The following SCRG1 variants were observed in gnomAD, a reference collection of about 807,000 sequenced individuals.
SCRG1 encodes the protein stimulator of chondrogenesis 1.
Under a neutral mutation model 7.7 loss-of-function variants are expected in SCRG1, and 3 were observed. The ratio of observed to expected loss-of-function variants is 0.39; its 90% CI spans 0.18 to 1.01. The LOEUF is 1.01. Among genes scored for constraint, SCRG1 ranks in the 50% least tolerant of loss-of-function variants. The pLI is 0.36. For missense variants in SCRG1, 110 were observed against 117.2 expected (o/e 0.94, Z 0.28); for synonymous variants, 46 against 41.2 (o/e 1.12, Z -0.44).
the SCRG1 span, among the ~76,000 whole-genome samples, chr4:173,507,114 T>C: frequency 1.2e-4 from 18 of 152,286 alleles, no homozygotes; most frequent in East Asian, 2.1e-3. The surrounding 1 kb of genome is among the most constrained non-coding windows in gnomAD (Gnocchi z 4.4). Flanking sequence ...TCTGGTGCCA[T>C]GAAGGGAAGG....
At chr4:173,483,184 T>G in the SCRG1 span, among the ~76,000 whole-genome samples, 85 of 27,762 alleles carry the variant, frequency 3.1e-3, no homozygotes, top group Non-Finnish European at 4.7e-3. Flanking sequence ...TATAATATAT[T>G]ATATATGATA....
At chr4:173,456,817 G>T in the SCRG1 span, among the ~76,000 whole-genome samples, 1 of 152,318 alleles carries the variant, frequency 6.6e-6, no homozygotes, top group African/African-American at 2.4e-5. Context: ...AGGATTGAAA[G>T]GTTTTTGCTT....
At chr4:173,389,839 T>C (rs996477761) in intron 2 of SCRG1, 1 of 430,536 alleles carries the variant, frequency 2.3e-6, no homozygotes, top group Admixed American at 2.4e-5. Flanking sequence ...AAGATGGTTA[T>C]ATCTACCTTT....
the SCRG1 span, among the ~76,000 whole-genome samples, chr4:173,515,768 G>A: frequency 6.6e-6 from 1 of 152,108 alleles, no homozygotes; most frequent in Admixed American, 6.6e-5. This position sits in a 1 kb window ranked among gnomAD's most constrained non-coding sequence, Gnocchi z 4.6. Context: ...CAGGTTTCCC[G>A]TGGGTTCCAC....
At chr4:173,464,547 C>T in the SCRG1 span, among the ~76,000 whole-genome samples, 11 of 152,144 alleles carry the variant, frequency 7.2e-5, no homozygotes, top group East Asian at 9.6e-4. Flanking sequence ...GTGTGCACCT[C>T]TTAGGATGGT....
At chr4:173,391,144 C>A in intron 2 of SCRG1, 29 bp downstream of exon 2, 2 of 1,611,554 alleles carry the variant, frequency 1.2e-6, no homozygotes, top group South Asian at 2.2e-5. Context: ...CATTTCCAGG[C>A]AATACACTTT....
At chr4:173,443,843 T>C in the SCRG1 span, among the ~76,000 whole-genome samples, 3 of 152,184 alleles carry the variant, frequency 2.0e-5, no homozygotes, top group Non-Finnish European at 4.4e-5. Context: ...TTCTGCATTT[T>C]TATGGCACTT....
chr4:173,413,203 C>A, the SCRG1 span, among the ~76,000 whole-genome samples: 2 of 152,082 alleles, frequency 1.3e-5, no homozygotes, highest in African/African-American at 4.8e-5. Flanking sequence ...CTACAGCTGG[C>A]AAAATGCCTG....
chr4:173,413,185 C>G, the SCRG1 span, among the ~76,000 whole-genome samples: 1 of 152,032 alleles, frequency 6.6e-6, no homozygotes, highest in Non-Finnish European at 1.5e-5. Context: ...TGCTCCATTT[C>G]CTGGAGCCTA....
the SCRG1 span, among the ~76,000 whole-genome samples, chr4:173,432,274 TCTTTCTTC>T: frequency 1.4e-5 from 2 of 141,486 alleles, no homozygotes; most frequent in Non-Finnish European, 3.1e-5. Flanking sequence ...TTATTCCCTT[TCTTTCTTC>T]CTTCCTTCCT....
chr4:173,461,371 A>G, the SCRG1 span, among the ~76,000 whole-genome samples: 1 of 152,048 alleles, frequency 6.6e-6, no homozygotes, highest in Non-Finnish European at 1.5e-5. Context: ...GAACAGAGAG[A>G]CTCTGTATGT....
chr4:173,492,816 A>G, the SCRG1 span, among the ~76,000 whole-genome samples: 1 of 152,224 alleles, frequency 6.6e-6, no homozygotes, highest in African/African-American at 2.4e-5. Flanking sequence ...GCACTTCATG[A>G]TCAGAACCTA....
upstream of SCRG1, among the ~76,000 whole-genome samples, chr4:173,401,170 G>A (rs756360696): frequency 6.6e-5 from 10 of 152,112 alleles, no homozygotes; most frequent in Non-Finnish European, 1.5e-4. Context: ...TCTCCATTTC[G>A]CTGAAACTGG....
the SCRG1 span, among the ~76,000 whole-genome samples, chr4:173,453,849 G>T: frequency 6.6e-6 from 1 of 152,158 alleles, no homozygotes; most frequent in South Asian, 2.1e-4. Flanking sequence ...AGCTGAGGCG[G>T]GTGGATCACT....
chr4:173,510,069 G>A, the SCRG1 span, among the ~76,000 whole-genome samples: 2 of 152,178 alleles, frequency 1.3e-5, no homozygotes, highest in Non-Finnish European at 2.9e-5. This position sits in a 1 kb window ranked among gnomAD's most constrained non-coding sequence, Gnocchi z 5.7. Context: ...TAATTAGCTG[G>A]TAATGCTTCT....
chr4:173,483,974 A>C, the SCRG1 span, among the ~76,000 whole-genome samples: 2 of 29,098 alleles, frequency 6.9e-5, no homozygotes, highest in Non-Finnish European at 1.7e-4. Flanking sequence ...ATTTTATATA[A>C]TATATAGTAT....
chr4:173,405,704 T>G (rs58172484), intron 1 of SCRG1, among the ~76,000 whole-genome samples: 6,202 of 152,310 alleles, frequency 0.041, 218 homozygotes, highest in African/African-American at 0.088. Flanking sequence ...CTTTTGCCTT[T>G]AGGGGCTCCT....
At chr4:173,409,044 T>A (rs1292491066), upstream of SCRG1, among the ~76,000 whole-genome samples, 1 of 144,472 alleles carries the variant, frequency 6.9e-6, no homozygotes, top group Non-Finnish European at 1.5e-5. Flanking sequence ...AATTAATGAG[T>A]CTAAAGCTAT....
chr4:173,409,380 CCTATT>C (rs760912909), upstream of SCRG1, among the ~76,000 whole-genome samples: 2 of 152,130 alleles, frequency 1.3e-5, no homozygotes, highest in Non-Finnish European at 2.9e-5. Context: ...AGCTGCCTCT[CCTATT>C]CTAGGATCTC....
Sources: allele counts gnomAD v4.1 joint callset (sites outside exome capture counted in the v4.1 genomes callset), GRCh38; gene constraint gnomAD v4.1.1; non-coding constraint Gnocchi (gnomAD v3.1); transcripts MANE v1.5; gene names NCBI Gene and HGNC (gene_info 2026-07-23, HGNC 2026-07-21).